The following FAM186A variants were observed in gnomAD, a reference collection of about 807,000 sequenced individuals.
FAM186A encodes protein FAM186A.
FAM186A carries 163 observed loss-of-function variants against 216.8 expected under a neutral mutation model. The observed-to-expected ratio is 0.75, with a 90% CI of 0.66 to 0.86. The LOEUF (loss-of-function observed/expected upper bound fraction) is 0.86, where lower values mean the gene tolerates loss of function less well. Among genes scored for constraint, FAM186A ranks in the 40% least tolerant of loss-of-function variants. FAM186A has a pLI of 0.00. For synonymous variants in FAM186A, 805 were observed against 1,025.3 expected (o/e 0.79, Z 4.10); for missense variants, 2,184 against 2,746.2 (o/e 0.80, Z 4.58).
chr12:50,392,765 A>AT (rs71083559), intron 1 of FAM186A, among the ~76,000 whole-genome samples: 56,909 of 118,378 alleles, frequency 0.48, 16,099 homozygotes, highest in Non-Finnish European at 0.64. Flanking sequence ...CACTTGGCTA[A>AT]TTTTTTTTTT....
chr12:50,396,112 G>A (rs1943410265), intron 1 of FAM186A, among the ~76,000 whole-genome samples, 181 bp downstream of exon 1: 1 of 152,198 alleles, frequency 6.6e-6, no homozygotes, highest in Non-Finnish European at 1.5e-5. Flanking sequence ...AGAGATTAAT[G>A]TCAAATTGGA....
chr12:50,361,568 CT>C (rs55919945), intron 2 of FAM186A, among the ~76,000 whole-genome samples: 3,055 of 133,172 alleles, frequency 0.023, 94 homozygotes, highest in African/African-American at 0.073. Context: ...ATCCAGTTGT[CT>C]TTTTTTTTTT....
At chr12:50,395,376 G>A (rs773751998) in intron 1 of FAM186A, among the ~76,000 whole-genome samples, 6 of 151,972 alleles carry the variant, frequency 3.9e-5, no homozygotes, top group Non-Finnish European at 8.8e-5. Flanking sequence ...GGCATGAATC[G>A]CTGTGCCTGG....
At chr12:50,337,313 T>TTA (rs1420943604) in intron 4 of FAM186A, among the ~76,000 whole-genome samples, 1 of 146,524 alleles carries the variant, frequency 6.8e-6, no homozygotes, top group Non-Finnish European at 1.5e-5. Flanking sequence ...TTTTTTTTTT[T>TTA]AGACAGGGTC....
intron 1 of FAM186A, chr12:50,365,597 T>C (rs558510423): frequency 7.5e-6 from 4 of 531,202 alleles, no homozygotes; most frequent in Non-Finnish European, 1.3e-5. Flanking sequence ...AAGAGTAAGA[T>C]AAGTGTGTAG....
Position 50,349,864 on chromosome 12 carries a change from C to T in FAM186A, c.6503+465G>A, listed in dbSNP as rs945380699. On this transcript the variant is annotated intron_variant, in intron 4 of 7. Coordinates refer to ENST00000327337, the MANE Select transcript of FAM186A (RefSeq NM_001145475.3). ...ATGGGATTTCGCCATGTTGGCCAGG[C>T]TGGTCTTGAACTCCTGGCCTCAAGT... 2.6e-5 allele frequency among the ~76,000 whole-genome samples: 4 copies of T among 152,056 alleles called. No homozygotes were observed. The East Asian group carries it at 7.7e-4, about 29-fold the overall frequency.
chr12:50,361,075 A>G (rs541872617), intron 2 of FAM186A, 149 bp from the exon 3 acceptor site: 3 of 545,082 alleles, frequency 5.5e-6, no homozygotes, highest in South Asian at 4.6e-5. Flanking sequence ...GCTTTTCTCT[A>G]TGAAGAAATT....
chr12:50,367,539 A>G (rs906981292), intron 1 of FAM186A, among the ~76,000 whole-genome samples: 84 of 150,698 alleles, frequency 5.6e-4, no homozygotes, highest in African/African-American at 2.0e-3. Context: ...AAAAAAAGAA[A>G]AGAAATAAAA....
At chr12:50,366,202 T>C (rs937973017) in intron 1 of FAM186A, 7 of 568,092 alleles carry the variant, frequency 1.2e-5, no homozygotes, top group Non-Finnish European at 2.2e-5. Context: ...GTTAGGTGTA[T>C]TTGCTGTTAC....
intron 7 of FAM186A, among the ~76,000 whole-genome samples, chr12:50,328,162 G>T (rs1227157307): frequency 6.6e-6 from 1 of 152,182 alleles, no homozygotes; most frequent in Non-Finnish European, 1.5e-5. Flanking sequence ...AGCATTGTTT[G>T]CAATGTTGAA....
At chr12:50,332,793 T>G (rs183838716) in intron 5 of FAM186A, among the ~76,000 whole-genome samples, 56 of 152,296 alleles carry the variant, frequency 3.7e-4, no homozygotes, top group Admixed American at 7.9e-4. Context: ...TTTGGGAGGC[T>G]GCCATGGGCG....
intron 1 of FAM186A, chr12:50,365,810 T>G (rs2136098975): frequency 1.3e-6 from 1 of 758,162 alleles, no homozygotes; most frequent in South Asian, 1.4e-5. Context: ...GAAAGAATGA[T>G]GAAGTTCAGG....
At chr12:50,330,540 CA>C (rs779960977) in intron 7 of FAM186A, 32 bp downstream of exon 7, 1 of 1,537,376 alleles carries the variant, frequency 6.5e-7, no homozygotes, top group African/African-American at 1.4e-5. Context: ...ATCAAAGGCC[CA>C]ATTACCAGAG....
At chr12:50,336,822 TA>T (rs1197113581) in intron 4 of FAM186A, among the ~76,000 whole-genome samples, 3 of 151,152 alleles carry the variant, frequency 2.0e-5, no homozygotes, top group African/African-American at 4.9e-5. Context: ...GATCTTCTCT[TA>T]TTTTTTTTTT....
intron 1 of FAM186A, among the ~76,000 whole-genome samples, chr12:50,394,612 G>A (rs1272302068): frequency 6.6e-6 from 1 of 151,502 alleles, no homozygotes; most frequent in Non-Finnish European, 1.5e-5. Context: ...GAGAGAGAGA[G>A]ACAGAGGTCT....
chr12:50,330,518 A>G (rs1942645899), intron 7 of FAM186A, 55 bp downstream of exon 7: 1 of 1,513,666 alleles, frequency 6.6e-7, no homozygotes, highest in Non-Finnish European at 8.8e-7. Flanking sequence ...TTAGGGAACC[A>G]AAAGGTATAT....
At chr12:50,363,429 T>G (rs536921187) in intron 1 of FAM186A, 65 bp from the exon 2 acceptor site, 1 of 1,331,896 alleles carries the variant, frequency 7.5e-7, no homozygotes, top group African/African-American at 1.5e-5. Context: ...GTCATCTTTC[T>G]TCTCAGAACG....
intron 5 of FAM186A, among the ~76,000 whole-genome samples, chr12:50,332,050 T>A (rs1433577948): frequency 6.6e-6 from 1 of 152,234 alleles, no homozygotes; most frequent in Admixed American, 6.5e-5. Flanking sequence ...CTTATTTTCT[T>A]GCTGTGAGAC....
chr12:50,331,992 T>C (rs1210146746), intron 5 of FAM186A, among the ~76,000 whole-genome samples, 171 bp from the exon 6 acceptor site: 1 of 152,204 alleles, frequency 6.6e-6, no homozygotes, highest in Non-Finnish European at 1.5e-5. Context: ...AGGTGGCAGC[T>C]CTGCTACATA....
Sources: gnomAD v4.1 joint callset for allele counts (sites outside exome capture counted in the v4.1 genomes callset) on GRCh38, gnomAD v4.1.1 for gene constraint, MANE v1.5 for transcripts, NCBI Gene and HGNC (gene_info 2026-07-23, HGNC 2026-07-21) for gene names.